SUPT20H: variants seen among roughly 807,000 people sequenced by gnomAD.
SUPT20H encodes SPT20 homolog, SAGA complex component, also known as transcription factor SPT20 homolog.
SUPT20H carries 82 observed loss-of-function variants against 122.8 expected under a neutral mutation model. The ratio of observed to expected loss-of-function variants is 0.67; its 90% CI spans 0.56 to 0.80. SUPT20H has a LOEUF of 0.80. Ranked by LOEUF, SUPT20H falls within the 30% of genes least tolerant of loss-of-function variation. The probability of loss-of-function intolerance (pLI) is 0.00; values close to 1 mark genes in which losing one functional copy is unlikely to be tolerated. For missense variants in SUPT20H, 831 were observed against 921.6 expected (o/e 0.90, Z 1.27); for synonymous variants, 291 against 313.0 (o/e 0.93, Z 0.74).
chr13:37,059,010 C>T (rs922185593), intron 1 of SUPT20H, among the ~76,000 whole-genome samples: 23 of 152,178 alleles, frequency 1.5e-4, no homozygotes, highest in Non-Finnish European at 1.3e-4. Context: ...GCAGTGGCTA[C>T]GGGAGATGGC....
At chr13:37,020,408 T>A (rs771360817) in intron 21 of SUPT20H, among the ~76,000 whole-genome samples, 1 of 152,206 alleles carries the variant, frequency 6.6e-6, no homozygotes, top group Non-Finnish European at 1.5e-5. Context: ...CATTTAGTTC[T>A]CTTAAGTACC....
chr13:37,026,926 A>C (rs2062391043), intron 14 of SUPT20H, 110 bp from the exon 15 acceptor site: 2 of 671,844 alleles, frequency 3.0e-6, no homozygotes, highest in Admixed American at 4.2e-5. Flanking sequence ...GGAAGATAAT[A>C]AATCATGCAG....
chr13:37,040,733 A>G (rs768715236), intron 7 of SUPT20H, 41 bp from the exon 8 acceptor site: 2 of 1,513,918 alleles, frequency 1.3e-6, no homozygotes, highest in Non-Finnish European at 1.8e-6. Flanking sequence ...TTTTTTTCCA[A>G]AAGCCTAAAT....
chr13:37,041,388 A>T, intron 7 of SUPT20H, among the ~76,000 whole-genome samples: 1 of 151,718 alleles, frequency 6.6e-6, no homozygotes, highest in African/African-American at 2.4e-5. Context: ...TGTGGTGGCG[A>T]GCGCCTGTAG....
In SUPT20H at chr13:37,025,457, C is replaced by T; in HGVS notation, c.1212-20G>A. 2.6e-6 allele frequency: 4 copies of T among 1,557,080 alleles called. No homozygotes were observed. Among genetic ancestry groups the T allele is most frequent in the Non-Finnish European group, 3.5e-6 (4 of 1,133,028 alleles). On this transcript the variant is annotated intron_variant, in intron 16 of 25. Coordinates refer to ENST00000350612, the MANE Select transcript of SUPT20H (RefSeq NM_001014286.3). ...ACTACCCTAAAATATCAGGAGAAAA[C>T]AGGTAAAGATTAGAAAACCTGTTTT...
intron 1 of SUPT20H, among the ~76,000 whole-genome samples, chr13:37,058,021 T>A (rs1366429574): frequency 6.8e-6 from 1 of 146,450 alleles, no homozygotes; most frequent in Non-Finnish European, 1.5e-5. Context: ...CTCAGGCCTG[T>A]AAGAGGCAGA....
chr13:37,035,131 G>A (rs538628816), intron 9 of SUPT20H, among the ~76,000 whole-genome samples: 1 of 152,268 alleles, frequency 6.6e-6, no homozygotes, highest in South Asian at 2.1e-4. Context: ...TATGGATCAA[G>A]GACTAATTTT....
chr13:37,026,297 G>C (rs2062260685), intron 15 of SUPT20H, 61 bp from the exon 16 acceptor site: 4 of 1,190,776 alleles, frequency 3.4e-6, no homozygotes, highest in Non-Finnish European at 3.4e-6. Context: ...TCTTAAGAAG[G>C]CTTGGGATTA....
intron 4 of SUPT20H, 74 bp downstream of exon 4, chr13:37,047,804 A>G (rs2066789194): frequency 6.9e-7 from 1 of 1,442,954 alleles, no homozygotes; most frequent in African/African-American, 1.4e-5. Context: ...CTCAGTCCCT[A>G]CGAGGAATGC....
chr13:37,031,928 C>T, intron 10 of SUPT20H, 33 bp from the exon 11 acceptor site: 2 of 1,539,134 alleles, frequency 1.3e-6, no homozygotes, highest in South Asian at 2.6e-5. Context: ...CTAAACGGCA[C>T]TAATAAAAGA....
chr13:37,014,898 A>G (rs374486123), intron 23 of SUPT20H, among the ~76,000 whole-genome samples: 1 of 152,316 alleles, frequency 6.6e-6, no homozygotes, highest in Admixed American at 6.5e-5. Context: ...ACCAGTGAAA[A>G]TATTAGACAA....
At position 37,009,577 on chromosome 13, in the gene SUPT20H, TACTG is replaced by T. The variant is rs750163497; in HGVS notation, c.*91_*94del. Reference sequence around the variant, plus strand: ...AGTTTGTACATCTAGCAATGTAAAATACTGACACATTAAAAAAAACAAAAAGTAG... The same window carrying T: ...AGTTTGTACATCTAGCAATGTAAAATACACATTAAAAAAAACAAAAAGTAG... On this transcript the variant is annotated 3_prime_UTR_variant, in exon 26 of 26. Coordinates refer to ENST00000350612, the MANE Select transcript of SUPT20H (RefSeq NM_001014286.3). The T allele has an allele frequency of 5.6e-5, 79 of 1,410,986 alleles. No homozygotes were observed. Among genetic ancestry groups the T allele is most frequent in the East Asian group, 1.8e-4 (8 of 43,878 alleles). 87.4% of individuals were successfully genotyped at this position (1,410,986 alleles called of 1,614,324 possible). A position where few individuals can be genotyped will look rare whatever the true frequency, so the allele number is the denominator to read the frequency against.
chr13:37,012,434 C>T (rs1226482063), intron 23 of SUPT20H, 137 bp from the exon 24 acceptor site: 2 of 565,928 alleles, frequency 3.5e-6, no homozygotes, highest in Non-Finnish European at 3.1e-6. Flanking sequence ...AAGGAAAATA[C>T]TTCAAAGGTA....
At chr13:37,054,805 T>C (rs2139397601) in intron 1 of SUPT20H, among the ~76,000 whole-genome samples, 1 of 152,254 alleles carries the variant, frequency 6.6e-6, no homozygotes, top group South Asian at 2.1e-4. Context: ...GGTATTCAAT[T>C]AGGAAAAGAG....
chr13:37,040,408 G>T lies in SUPT20H; in HGVS notation c.564C>A (p.Thr188=), dbSNP rs1299873542. 1.3e-6 allele frequency: 2 copies of T among 1,560,378 alleles called. No individual in the cohort carries two copies. Among genetic ancestry groups the T allele is most frequent in the East Asian group, 4.6e-5 (2 of 43,470 alleles). The change falls in exon 9 of 26, where the codon ACC becomes ACA. Residue 188 remains threonine, a synonymous_variant. Coordinates refer to ENST00000350612, the MANE Select transcript of SUPT20H (RefSeq NM_001014286.3). ...ATTAAAAAACAAAACAACTAACCTGGGTCCATTTGTGGTTATCACTTGTTA... is the reference window on the plus strand; with the variant it reads ...ATTAAAAAACAAAACAACTAACCTGTGTCCATTTGTGGTTATCACTTGTTA... ...HSITSDNHKW[T]QEDKLLLESQ...
chr13:37,021,448 C>T lies in SUPT20H; in HGVS notation c.1816G>A (p.Gly606Ser). 6.3e-7 allele frequency: 1 copy of T among 1,599,396 alleles called. No homozygotes were observed. The highest frequency in any genetic ancestry group is 1.7e-5 in the Admixed American group (1 of 57,402). ...PSAMQAASQA[G>S]VPFGLKNTSS... ...AGGTTATTATTTCCAACATTCTGACCTGCTTGAGAAGCTGCCTGCATTGCA... is the reference window on the plus strand; with the variant it reads ...AGGTTATTATTTCCAACATTCTGACTTGCTTGAGAAGCTGCCTGCATTGCA... Residue 606 changes from glycine (G) to serine (S), a missense_variant and splice_region_variant, in exon 21 of 26, where the codon GGT (glycine) becomes AGT (serine). Transcript: ENST00000350612.
chr13:37,057,877 G>A (rs1446433127), intron 1 of SUPT20H, among the ~76,000 whole-genome samples: 1 of 151,726 alleles, frequency 6.6e-6, no homozygotes, highest in Non-Finnish European at 1.5e-5. Flanking sequence ...AGGAGGCTGA[G>A]GCAAGAGAAT....
chr13:37,011,715 G>A (rs960787975), intron 24 of SUPT20H, among the ~76,000 whole-genome samples: 1 of 152,068 alleles, frequency 6.6e-6, no homozygotes, highest in Non-Finnish European at 1.5e-5. Context: ...TGGAAGTGTT[G>A]AGAAGTAATT....
intron 9 of SUPT20H, among the ~76,000 whole-genome samples, chr13:37,035,327 T>C (rs1175581122): frequency 1.3e-5 from 2 of 151,984 alleles, no homozygotes; most frequent in African/African-American, 2.4e-5. Flanking sequence ...TTAATATGAG[T>C]TTGGGAGAAG....
Sources: allele counts gnomAD v4.1 joint callset (sites outside exome capture counted in the v4.1 genomes callset), GRCh38; gene constraint gnomAD v4.1.1; transcripts MANE v1.5; gene names NCBI Gene and HGNC (gene_info 2026-07-23, HGNC 2026-07-21).